The following ARHGEF7 variants were observed in gnomAD, a reference collection of about 807,000 sequenced individuals.
The protein encoded by ARHGEF7 is Rho guanine nucleotide exchange factor 7.
A neutral mutation model predicts 109.8 loss-of-function variants in ARHGEF7; 33 were observed. That is an observed-to-expected ratio of 0.30 (90% confidence interval 0.23 to 0.40). ARHGEF7 has a LOEUF of 0.40. Ranked by LOEUF, ARHGEF7 falls within the 10% of genes least tolerant of loss-of-function variation. ARHGEF7 has a pLI of 1.00. For missense variants in ARHGEF7, 938 were observed against 1,098.5 expected (o/e 0.85, Z 2.07); for synonymous variants, 458 against 424.6 (o/e 1.08, Z -0.97).
chr13:111,254,247 A>T (rs2090141406), intron 8 of ARHGEF7, among the ~76,000 whole-genome samples: 2 of 152,188 alleles, frequency 1.3e-5, no homozygotes, highest in African/African-American at 2.4e-5. Flanking sequence ...TGTTGTTTGA[A>T]CTGTTTTTAA....
chr13:111,178,252 C>T (rs1164263), intron 2 of ARHGEF7, among the ~76,000 whole-genome samples: 53 of 152,154 alleles, frequency 3.5e-4, no homozygotes, highest in African/African-American at 1.3e-3. Context: ...GTCCTGGGAA[C>T]CAGCGAGAGA....
intron 2 of ARHGEF7, among the ~76,000 whole-genome samples, chr13:111,194,136 G>T (rs1157564979): frequency 1.3e-5 from 2 of 152,162 alleles, no homozygotes; most frequent in South Asian, 4.1e-4. Context: ...CTACTACATC[G>T]ATTTCCTTAG....
At chr13:111,119,587 A>G (rs1208415959) in intron 1 of ARHGEF7, among the ~76,000 whole-genome samples, 3 of 152,236 alleles carry the variant, frequency 2.0e-5, no homozygotes, top group Non-Finnish European at 2.9e-5. Context: ...CCAGCATTTG[A>G]GCAGGTCAGA....
chr13:111,298,772 G>C (rs1567129359), intron 19 of ARHGEF7, among the ~76,000 whole-genome samples: 1 of 152,232 alleles, frequency 6.6e-6, no homozygotes, highest in Non-Finnish European at 1.5e-5. Context: ...CTCCCTGACA[G>C]TGTCAGGTCT....
At chr13:111,168,270 GTGTGCGACAGCTGTGTGAGGCCCCAC>G (rs1462132976) in intron 2 of ARHGEF7, among the ~76,000 whole-genome samples, 12 of 152,144 alleles carry the variant, frequency 7.9e-5, no homozygotes, top group African/African-American at 1.9e-4. Context: ...TGTCTCTGCG[GTGTGCGACAGCTGTGTGAGGCCCCAC>G]TGTGCGACAG....
chr13:111,274,846 T>C, intron 11 of ARHGEF7, 56 bp downstream of exon 11: 2 of 1,165,120 alleles, frequency 1.7e-6, no homozygotes. Context: ...CAAATGAATG[T>C]AAAAGAATTA....
At chr13:111,195,840 A>G (rs1312743048) in intron 2 of ARHGEF7, among the ~76,000 whole-genome samples, 1 of 151,998 alleles carries the variant, frequency 6.6e-6, no homozygotes, top group South Asian at 2.1e-4. Flanking sequence ...TGAACCACCA[A>G]GGTTTGTCTG....
At chr13:111,147,956 C>G (rs1267539839) in intron 1 of ARHGEF7, among the ~76,000 whole-genome samples, 1 of 152,122 alleles carries the variant, frequency 6.6e-6, no homozygotes, top group African/African-American at 2.4e-5. Flanking sequence ...CTCGGCCTCC[C>G]AAAGTGCTGG....
intron 1 of ARHGEF7, among the ~76,000 whole-genome samples, chr13:111,139,043 T>C (rs894658451): frequency 6.6e-6 from 1 of 152,050 alleles, no homozygotes; most frequent in African/African-American, 2.4e-5. Context: ...AATGAAACAA[T>C]GGAACATCTC....
chr13:111,178,566 TA>T (rs936936020), intron 2 of ARHGEF7, among the ~76,000 whole-genome samples: 4 of 152,180 alleles, frequency 2.6e-5, no homozygotes, highest in African/African-American at 9.6e-5. Context: ...CGAGTGTTTT[TA>T]AAAAATGCTG....
At position 111,177,424 on chromosome 13, in the gene ARHGEF7, G is replaced by T. The variant is rs979033234; in HGVS notation, c.252+23433G>T. Among the ~76,000 whole-genome samples the T allele has an allele frequency of 2.0e-5, 3 of 152,364 alleles. No individual in the cohort carries two copies. The East Asian group carries it at 5.8e-4, about 29-fold the overall frequency. On this transcript the variant is annotated intron_variant, in intron 2 of 21. Transcript: ENST00000646102. ...ATTCTGGGAGCTGAGCTCAGGCGGG[G>T]TGTGAGATGTGCTATCAGTGGAGTC...
rs368339759 is a variant in ARHGEF7 at position 111,221,329 on chromosome 13, G to A, written c.670+3449G>A. Among the ~76,000 whole-genome samples the A allele has an allele frequency of 4.3e-3, 7 of 1,632 alleles. 2 individuals carry two copies. The East Asian group carries it at 0.1, about 24-fold the overall frequency. The allele number at this position is 1,632 out of a possible 152,430, so 1.1% of individuals were successfully genotyped here. A position where few individuals can be genotyped will look rare whatever the true frequency, so the allele number is the denominator to read the frequency against. On this transcript the variant is annotated intron_variant, in intron 5 of 21. Transcript: ENST00000646102. ...TATATATCTATATATAGATATATAT[G>A]TCTATATATATCTATATATATGTCT...
At chr13:111,236,367 C>T (rs1256376100) in intron 6 of ARHGEF7, among the ~76,000 whole-genome samples, 4 of 151,954 alleles carry the variant, frequency 2.6e-5, no homozygotes, top group Non-Finnish European at 4.4e-5. Context: ...TTCTTGTGTG[C>T]GTGTGTGTGT....
chr13:111,165,676 G>A (rs1181801848), intron 2 of ARHGEF7, among the ~76,000 whole-genome samples: 1 of 152,208 alleles, frequency 6.6e-6, no homozygotes, highest in Admixed American at 6.5e-5. Context: ...CCAGGGTAGA[G>A]GCAGAAGGAA....
At chr13:111,157,737 T>G (rs1003198749) in intron 2 of ARHGEF7, among the ~76,000 whole-genome samples, 7 of 152,212 alleles carry the variant, frequency 4.6e-5, no homozygotes, top group African/African-American at 1.7e-4. Context: ...TTTTGCTATG[T>G]TACTGTGGAA....
intron 5 of ARHGEF7, among the ~76,000 whole-genome samples, chr13:111,221,525 A>C (rs1460978477): frequency 3.0e-5 from 1 of 33,402 alleles, no homozygotes; most frequent in African/African-American, 9.3e-5. Flanking sequence ...ATATATATCT[A>C]TATATATCTA....
rs141560845 is a variant in ARHGEF7 at position 111,267,764 on chromosome 13, G to A, written c.1073+94G>A. 2.9e-4 allele frequency: 427 copies of A among 1,450,176 alleles called. 2 individuals carry two copies. In the African/African-American group the frequency reaches 4.9e-3, roughly 17 times the overall value. The allele number at this position is 1,450,176 out of a possible 1,614,324, so 89.8% of individuals were successfully genotyped here. On this transcript the variant is annotated intron_variant, in intron 9 of 21. Transcript: ENST00000646102. ...ATAGTATGATGCTAATAGTCCCTTG[G>A]TTATTAAAGGGTATGAATTTTAATT... is the stretch of plus-strand genomic sequence containing the variant.
chr13:111,285,401 T>A (rs1351496670), intron 16 of ARHGEF7, among the ~76,000 whole-genome samples: 1 of 152,214 alleles, frequency 6.6e-6, no homozygotes, highest in Non-Finnish European at 1.5e-5. Flanking sequence ...GAAACCAGCC[T>A]TTTTTTGATA....
intron 19 of ARHGEF7, chr13:111,292,498 T>C (rs916546308): frequency 8.0e-5 from 115 of 1,429,764 alleles, no homozygotes; most frequent in Non-Finnish European, 1.0e-4. Flanking sequence ...CCGATGCGAG[T>C]ATACATTCGA....
Sources: gnomAD v4.1 joint callset for allele counts (sites outside exome capture counted in the v4.1 genomes callset) on GRCh38, gnomAD v4.1.1 for gene constraint, MANE v1.5 for transcripts, NCBI Gene and HGNC (gene_info 2026-07-23, HGNC 2026-07-21) for gene names.